The following ELK1 variants were observed in gnomAD, a reference collection of about 807,000 sequenced individuals.
ELK1 encodes ETS transcription factor ELK1, also known as ETS domain-containing protein Elk-1.
For synonymous variants in ELK1, 163 were observed against 176.3 expected, an observed-to-expected ratio of 0.92 and a Z score of 0.60; for missense variants, 254 against 381.5, an observed-to-expected ratio of 0.67 and a Z score of 2.78.
chrX:47,641,200 G>T, intron 3 of ELK1, 32 bp downstream of exon 3: 1 of 1,192,578 alleles, frequency 8.4e-7, no homozygotes. Flanking sequence ...AATGTCAGGG[G>T]GGGGTTCCAG....
In ELK1 at chrX:47,638,153, G is replaced by A. The variant is rs773831559; in HGVS notation, c.684C>T (p.Asn228=). 5.8e-6 allele frequency: 7 copies of A among 1,208,795 alleles called. No individual in the cohort carries two copies. Among genetic ancestry groups the A allele is most frequent in the Non-Finnish European group, 7.8e-6 (7 of 894,498 alleles). ...QVILTPPEAP[N]LKSEELNVEP... ...CCACATTAAGCTCTTCCGATTTCAGGTTTGGGGCCTCGGGCGGGGTCAGGA... is the reference window on the plus strand; with the variant it reads ...CCACATTAAGCTCTTCCGATTTCAGATTTGGGGCCTCGGGCGGGGTCAGGA... Residue 228 remains asparagine, a synonymous_variant, in exon 5 of 7, where the codon AAC becomes AAT. Transcript: ENST00000376983.
chrX:47,637,690 G>C (rs1214026167), intron 5 of ELK1, 61 bp downstream of exon 5: 67 of 1,110,647 alleles, frequency 6.0e-5, no homozygotes, highest in Non-Finnish European at 7.9e-5. Context: ...TCAGTCACCC[G>C]CCACATGCCA....
intron 2 of ELK1, among the ~76,000 whole-genome samples, chrX:47,643,289 T>C (rs2058033956): frequency 8.9e-6 from 1 of 111,923 alleles, no homozygotes; most frequent in Non-Finnish European, 1.9e-5. Context: ...ATATGCCCAT[T>C]AGTAAAATGG....
Position 47,638,190 on chromosome X carries a change from A to C in ELK1, c.655-8T>G. On this transcript the variant is annotated splice_polypyrimidine_tract_variant and splice_region_variant and intron_variant, in intron 4 of 6. Transcript: ENST00000376983. ...GGGCGGGGTCAGGATGACCTGGTAG[A>C]GGAGCAGGCACAAAGAGGGTGTGTA... 1 of 1,205,457 alleles carries C rather than the reference A, an allele frequency of 8.3e-7. No individual in the cohort carries two copies. The highest frequency in any genetic ancestry group is 1.1e-6 in the Non-Finnish European group (1 of 892,311).
intron 3 of ELK1, among the ~76,000 whole-genome samples, chrX:47,640,862 AG>A (rs1459486373): frequency 8.9e-6 from 1 of 112,103 alleles, no homozygotes; most frequent in Non-Finnish European, 1.9e-5. Flanking sequence ...GCACTGGTCC[AG>A]GGGTTTCAGA....
chrX:47,650,218 G>A (rs949769706), intron 1 of ELK1, among the ~76,000 whole-genome samples, 192 bp from the exon 2 acceptor site: 7 of 110,891 alleles, frequency 6.3e-5, no homozygotes, highest in African/African-American at 1.3e-4. Context: ...TTATACAACG[G>A]GAGGGGGAGG....
intron 2 of ELK1, chrX:47,648,959 C>T (rs1308655294): frequency 9.0e-6 from 1 of 110,589 alleles, no homozygotes; most frequent in Non-Finnish European, 1.9e-5. Context: ...GAGGTGAGAA[C>T]TAATTTGGTT....
rs770813034 is a variant in ELK1 at position 47,636,911 on chromosome X, C to G, written c.1205G>C (p.Ser402Thr). The stretch of plus-strand genomic sequence containing the variant: ...GATAGAAGGGATGTGCACCTGGGCG[C>G]TGCCACTGGATGGAAACTGGGGGCA... ...KLSFQFPSSG[S>T]AQVHIPSISV... The change falls in exon 7 of 7, where the codon AGC becomes ACC. Residue 402 changes from serine (S) to threonine (T), a missense_variant. Physicochemically the swap from Ser to Thr is moderately conservative, Grantham distance 58. Transcript: ENST00000376983. 104 of 1,176,008 alleles carry G rather than the reference C, an allele frequency of 8.8e-5. 1 individual carries two copies. The South Asian group carries it at 1.8e-3, about 21-fold the overall frequency.
intron 3 of ELK1, among the ~76,000 whole-genome samples, chrX:47,639,761 CT>C (rs1413542312): frequency 8.8e-6 from 1 of 113,112 alleles, no homozygotes; most frequent in African/African-American, 3.2e-5. Context: ...GGGAGCAGGT[CT>C]TCTTCCTGGC....
Position 47,641,262 on chromosome X carries a change from G to A in ELK1, c.180C>T (p.Leu60=), listed in dbSNP as rs2058027729. 1 of 1,212,068 alleles carries A rather than the reference G, an allele frequency of 8.3e-7. No homozygotes were observed. The highest frequency in any genetic ancestry group is 1.1e-6 in the Non-Finnish European group (1 of 895,609). The change falls in exon 3 of 7, where the codon CTC becomes CTT. Residue 60 remains leucine, a synonymous_variant. Coordinates refer to ENST00000376983, the MANE Select transcript of ELK1 (RefSeq NM_001114123.3). ...CATAGTAGTACCGCAAGGCCCGGCT[G>A]AGCTTGTCGTAATTCATGTTGGTCT... ...KNKTNMNYDK[L]SRALRYYYDK...
chrX:47,649,696 A>T (rs2058053597), intron 2 of ELK1, among the ~76,000 whole-genome samples: 2 of 110,539 alleles, frequency 1.8e-5, no homozygotes, highest in Admixed American at 1.9e-4. Flanking sequence ...AAACTAACCC[A>T]CTATTAAAAA....
chrX:47,637,349 G>A (rs1335310811), intron 5 of ELK1, among the ~76,000 whole-genome samples: 1 of 110,126 alleles, frequency 9.1e-6, no homozygotes, highest in Non-Finnish European at 1.9e-5. Context: ...GACCTCATTG[G>A]TCAAGACCAC....
chrX:47,637,795 G>A lies in ELK1; in HGVS notation c.1042C>T (p.Pro348Ser), dbSNP rs770504652. 5.0e-6 allele frequency: 6 copies of A among 1,194,532 alleles called. No homozygotes were observed. In the South Asian group the frequency reaches 7.3e-5, roughly 14 times the overall value. ...GSGSGSGLQA[P>S]GPALTPSLLP... Reference sequence around the variant, plus strand: ...AGGGATGGGGTCAGCGCCGGCCCCGGAGCCTGGAGGCCGGAGCCACTTCCC... The same window carrying A: ...AGGGATGGGGTCAGCGCCGGCCCCGAAGCCTGGAGGCCGGAGCCACTTCCC... Residue 348 changes from proline to serine, a missense_variant, in exon 5 of 7, where the codon CCG becomes TCG. By Grantham distance (74) the Pro-to-Ser change is moderately conservative. Coordinates refer to ENST00000376983, the MANE Select transcript of ELK1 (RefSeq NM_001114123.3).
In ELK1 at chrX:47,636,933, G is replaced by A. The variant is rs1289906226; in HGVS notation, c.1189-6C>T. The A allele has an allele frequency of 6.8e-6, 8 of 1,180,187 alleles. No individual in the cohort carries two copies. Among genetic ancestry groups the A allele is most frequent in the South Asian group, 1.9e-5 (1 of 53,487 alleles). ...GCGCTGCCACTGGATGGAAACTGGG[G>A]GCAAAAAGAGGGAGAGGTCACAGAT... On this transcript the variant is annotated splice_region_variant and splice_polypyrimidine_tract_variant and intron_variant, in intron 6 of 6. Coordinates refer to ENST00000376983, the MANE Select transcript of ELK1 (RefSeq NM_001114123.3).
chrX:47,637,507 C>T (rs1486790047), intron 5 of ELK1, among the ~76,000 whole-genome samples: 1 of 111,236 alleles, frequency 9.0e-6, no homozygotes, highest in Non-Finnish European at 1.9e-5. Context: ...TTAAGCCACA[C>T]CCCAACCTAG....
intron 5 of ELK1, 92 bp downstream of exon 5, chrX:47,637,659 C>T: frequency 9.7e-7 from 1 of 1,035,601 alleles, no homozygotes; most frequent in Non-Finnish European, 1.3e-6. Flanking sequence ...AACAACCACA[C>T]TCACCCTCCT....
At chrX:47,648,707 G>A (rs1157542434) in intron 2 of ELK1, among the ~76,000 whole-genome samples, 1 of 112,121 alleles carries the variant, frequency 8.9e-6, no homozygotes, top group Non-Finnish European at 1.9e-5. Flanking sequence ...AGGTATAGGC[G>A]GTAATGCTAG....
intron 3 of ELK1, 118 bp downstream of exon 3, chrX:47,641,114 T>G: frequency 1.1e-6 from 1 of 891,463 alleles, no homozygotes; most frequent in East Asian, 3.3e-5. Context: ...ATGGATGGGT[T>G]AAAAACTGAT....
chrX:47,645,902 T>A (rs2058042089), intron 2 of ELK1, among the ~76,000 whole-genome samples: 1 of 112,023 alleles, frequency 8.9e-6, no homozygotes, highest in South Asian at 3.7e-4. Context: ...TTCAGCCTTA[T>A]GTTCCTCTGC....
Sources: allele counts gnomAD v4.1 joint callset (sites outside exome capture counted in the v4.1 genomes callset), GRCh38; gene constraint gnomAD v4.1.1; transcripts MANE v1.5; gene names NCBI Gene and HGNC (gene_info 2026-07-23, HGNC 2026-07-21).